The following PPP2R2A variants were observed in gnomAD, a reference collection of about 807,000 sequenced individuals.
The protein encoded by PPP2R2A is serine/threonine-protein phosphatase 2A 55 kDa regulatory subunit B alpha isoform.
In PPP2R2A, 9 loss-of-function variants were observed where a neutral mutation model predicts 53.2. The ratio of observed to expected loss-of-function variants is 0.17; its 90% CI spans 0.10 to 0.30. The LOEUF (loss-of-function observed/expected upper bound fraction) is 0.30. Among genes scored for constraint, PPP2R2A ranks in the 10% least tolerant of loss-of-function variants. The pLI, the probability that PPP2R2A is intolerant of heterozygous loss-of-function variation, is 1.00. For synonymous variants in PPP2R2A, 169 were observed against 174.2 expected, an observed-to-expected ratio of 0.97 and a Z score of 0.23; for missense variants, 235 against 534.6, an observed-to-expected ratio of 0.44 and a Z score of 5.53.
chr8:26,361,389 C>A (rs1356986353), intron 6 of PPP2R2A, among the ~76,000 whole-genome samples: 1 of 152,100 alleles, frequency 6.6e-6, no homozygotes, highest in Non-Finnish European at 1.5e-5. Context: ...AGGAATTTGT[C>A]TATTGTATCT....
intron 3 of PPP2R2A, among the ~76,000 whole-genome samples, chr8:26,348,243 A>AT (rs1486837573): frequency 1.3e-5 from 2 of 152,142 alleles, no homozygotes; most frequent in African/African-American, 4.8e-5. Context: ...AAATTTTTAA[A>AT]TTTTTTCCAC....
rs749563999 is a variant in PPP2R2A, at chr8:26,362,654, G to A, written c.638-30G>A. The A allele has an allele frequency of 1.3e-6, 2 of 1,599,516 alleles. No individual in the cohort carries two copies. The highest frequency in any genetic ancestry group is 1.1e-5 in the South Asian group (1 of 90,006). ...GAATTATATTTGCCCTTTTTTCTAAGTGGAAATTCCTTAATAAAATGTTAT... is the reference window on the plus strand; with the variant it reads ...GAATTATATTTGCCCTTTTTTCTAAATGGAAATTCCTTAATAAAATGTTAT... On this transcript the variant is annotated intron_variant, in intron 6 of 9. Coordinates refer to ENST00000380737, the MANE Select transcript of PPP2R2A (RefSeq NM_002717.4). This position sits in a 1 kb window ranked among gnomAD's most constrained non-coding sequence, Gnocchi z 4.4.
intron 2 of PPP2R2A, among the ~76,000 whole-genome samples, chr8:26,328,169 A>G (rs965272854): frequency 6.6e-6 from 1 of 152,232 alleles, no homozygotes; most frequent in African/African-American, 2.4e-5. Context: ...TCCATCTATT[A>G]TTCCAGGATA....
chr8:26,328,652 A>G (rs1803214495), intron 2 of PPP2R2A, among the ~76,000 whole-genome samples: 1 of 152,224 alleles, frequency 6.6e-6, no homozygotes, highest in South Asian at 2.1e-4. Flanking sequence ...TAACATTTTA[A>G]AAACTCGGTG....
At chr8:26,320,671 G>A (rs891657441) in intron 2 of PPP2R2A, among the ~76,000 whole-genome samples, 1 of 152,036 alleles carries the variant, frequency 6.6e-6, no homozygotes, top group African/African-American at 2.4e-5. Flanking sequence ...TACAATTGTA[G>A]GTATATTGTT....
intron 4 of PPP2R2A, among the ~76,000 whole-genome samples, chr8:26,355,920 T>C (rs1264535086): frequency 6.6e-6 from 1 of 152,006 alleles, no homozygotes; most frequent in African/African-American, 2.4e-5. Context: ...TGAAATCCTT[T>C]ATGATGAGTT....
At chr8:26,307,372 G>C (rs1585331618) in intron 2 of PPP2R2A, among the ~76,000 whole-genome samples, 1 of 152,220 alleles carries the variant, frequency 6.6e-6, no homozygotes, top group East Asian at 1.9e-4. Context: ...AGTGTGTAAA[G>C]TGATCGGTTC....
chr8:26,337,654 T>TA (rs1803734015), intron 2 of PPP2R2A, among the ~76,000 whole-genome samples: 1 of 152,228 alleles, frequency 6.6e-6, no homozygotes, highest in African/African-American at 2.4e-5. Context: ...GGTAAGCAGT[T>TA]ACTCAGGTAA....
At chr8:26,336,854 C>CT (rs770199536) in intron 2 of PPP2R2A, among the ~76,000 whole-genome samples, 1,917 of 141,308 alleles carry the variant, frequency 0.014, 28 homozygotes, top group African/African-American at 0.044. Flanking sequence ...GTCAAAAGGC[C>CT]TTTTTTTTTT....
chr8:26,301,404 C>G (rs1481345530), intron 2 of PPP2R2A, among the ~76,000 whole-genome samples: 2 of 149,548 alleles, frequency 1.3e-5, no homozygotes, highest in South Asian at 2.1e-4. Flanking sequence ...GTGATCATGG[C>G]TCACTGCAGC....
At chr8:26,325,470 GTCTT>G (rs1267509457) in intron 2 of PPP2R2A, among the ~76,000 whole-genome samples, 1 of 152,138 alleles carries the variant, frequency 6.6e-6, no homozygotes, top group Non-Finnish European at 1.5e-5. Flanking sequence ...TCTTGGGTAT[GTCTT>G]TATCAGCGGC....
In PPP2R2A at chr8:26,371,326, A is replaced by G. The variant is rs1228042071; in HGVS notation, c.*913A>G. 6.6e-6 allele frequency: 1 copy of G among 150,382 alleles called. No individual in the cohort carries two copies. Among genetic ancestry groups the G allele is most frequent in the African/African-American group, 2.4e-5 (1 of 41,128 alleles). 9.3% of individuals were successfully genotyped at this position (150,382 alleles called of 1,614,324 possible). On this transcript the variant is annotated 3_prime_UTR_variant, in exon 10 of 10. Coordinates refer to ENST00000380737, the MANE Select transcript of PPP2R2A (RefSeq NM_002717.4). ...ACATATTTTGAATATAGGTTTTATTAAGGATTTCACAATCTATAAATGCTA... is the reference window on the plus strand; with the variant it reads ...ACATATTTTGAATATAGGTTTTATTGAGGATTTCACAATCTATAAATGCTA...
In PPP2R2A at chr8:26,372,025, C is replaced by G. The variant is rs1361268780; in HGVS notation, c.*1612C>G. 1 of 152,158 alleles carries G rather than the reference C, an allele frequency of 6.6e-6. No homozygotes were observed. Among genetic ancestry groups the G allele is most frequent in the African/African-American group, 2.4e-5 (1 of 41,444 alleles). 9.4% of individuals were successfully genotyped at this position (152,158 alleles called of 1,614,324 possible). On this transcript the variant is annotated 3_prime_UTR_variant, in exon 10 of 10. Coordinates refer to ENST00000380737, the MANE Select transcript of PPP2R2A (RefSeq NM_002717.4). ...ACTCTGAGTGCTTCTATGTCCACTA[C>G]CTATTGTTCTATTCTTCAATAATGA...
At chr8:26,307,204 G>A (rs1310120123) in intron 2 of PPP2R2A, among the ~76,000 whole-genome samples, 1 of 152,142 alleles carries the variant, frequency 6.6e-6, no homozygotes, top group African/African-American at 2.4e-5. Flanking sequence ...TTTACATCTA[G>A]ATGTGTAATT....
At chr8:26,318,788 A>G (rs1802691303) in intron 2 of PPP2R2A, among the ~76,000 whole-genome samples, 1 of 152,204 alleles carries the variant, frequency 6.6e-6, no homozygotes, top group Admixed American at 6.5e-5. Flanking sequence ...ACATTAAGCC[A>G]ATGAATTAAC....
intron 3 of PPP2R2A, among the ~76,000 whole-genome samples, chr8:26,343,655 A>C (rs1360648641): frequency 6.6e-6 from 1 of 152,082 alleles, no homozygotes; most frequent in African/African-American, 2.4e-5. Flanking sequence ...CAAAGTGTTG[A>C]GCGTGAGCCA....
intron 3 of PPP2R2A, among the ~76,000 whole-genome samples, chr8:26,347,754 C>G (rs1422172573): frequency 6.6e-6 from 1 of 152,142 alleles, no homozygotes; most frequent in East Asian, 1.9e-4. Context: ...GACTGATACG[C>G]TTCCAAATTG....
At chr8:26,292,445 C>T in intron 1 of PPP2R2A, 1 of 984,424 alleles carries the variant, frequency 1.0e-6, no homozygotes, top group Non-Finnish European at 1.2e-6. Flanking sequence ...CTTTCATGTA[C>T]AGCAAGTTGC....
At chr8:26,324,314 C>A (rs1802982083) in intron 2 of PPP2R2A, among the ~76,000 whole-genome samples, 1 of 152,182 alleles carries the variant, frequency 6.6e-6, no homozygotes, top group Non-Finnish European at 1.5e-5. Flanking sequence ...CTGCCTGATA[C>A]ATTTTATATT....
Sources: allele counts gnomAD v4.1 joint callset (sites outside exome capture counted in the v4.1 genomes callset), GRCh38; gene constraint gnomAD v4.1.1; non-coding constraint Gnocchi (gnomAD v3.1); transcripts MANE v1.5; gene names NCBI Gene and HGNC (gene_info 2026-07-23, HGNC 2026-07-21).